The following TMEM232 variants were observed in gnomAD, a reference collection of about 807,000 sequenced individuals.
The protein encoded by TMEM232 is transmembrane protein 232.
TMEM232 carries 80 observed loss-of-function variants against 78.8 expected under a neutral mutation model. The ratio of observed to expected loss-of-function variants is 1.01; its 90% confidence interval spans 0.85 to 1.22. The LOEUF (loss-of-function observed/expected upper bound fraction) is 1.22. TMEM232 is among the 50% of genes most tolerant of loss of function. The pLI, the probability that TMEM232 is intolerant of heterozygous loss-of-function variation, is 0.00. For synonymous variants in TMEM232, 297 were observed against 254.3 expected, an observed-to-expected ratio of 1.17 and a Z score of -1.60; for missense variants, 881 against 742.2, an observed-to-expected ratio of 1.19 and a Z score of -2.17.
intron 1 of TMEM232, among the ~76,000 whole-genome samples, chr5:110,674,590 A>G (rs1374024177): frequency 6.6e-6 from 1 of 152,244 alleles, no homozygotes; most frequent in Non-Finnish European, 1.5e-5. Flanking sequence ...AAAATGTTTG[A>G]AAGTATTACA....
chr5:110,419,276 A>ACAAG (rs1756427464), downstream of TMEM232, among the ~76,000 whole-genome samples: 1 of 152,078 alleles, frequency 6.6e-6, no homozygotes, highest in South Asian at 2.1e-4. Flanking sequence ...ATTTGAGAAC[A>ACAAG]CAAGCATAAG....
In TMEM232 at chr5:110,671,314, G is replaced by A. The variant is rs528147357; in HGVS notation, c.-12-3950C>T. 3.0e-3 allele frequency among the ~76,000 whole-genome samples: 459 copies of A among 152,220 alleles called. 3 individuals are homozygous for A. Among genetic ancestry groups the A allele is most frequent in the African/African-American group, 0.01 (435 of 41,554 alleles). On this transcript the variant is annotated intron_variant, in intron 1 of 13. Transcript: ENST00000455884. ...ACCCGTTGGTGGGAGTGTAAATTAGGTCAACCATTGTGGAAGACAGTGTGG... is the reference window on the plus strand; with the variant it reads ...ACCCGTTGGTGGGAGTGTAAATTAGATCAACCATTGTGGAAGACAGTGTGG...
At chr5:110,486,935 C>G (rs555316821) in intron 12 of TMEM232, among the ~76,000 whole-genome samples, 1 of 151,970 alleles carries the variant, frequency 6.6e-6, no homozygotes, top group East Asian at 1.9e-4. Context: ...ATGATTCTAC[C>G]CATTAATGAG....
intron 11 of TMEM232, among the ~76,000 whole-genome samples, chr5:110,549,709 C>T (rs2149608590): frequency 6.6e-6 from 1 of 151,146 alleles, no homozygotes; most frequent in Middle Eastern, 3.5e-3. Context: ...TAGGAATTAG[C>T]CAGTGGATAT....
intron 12 of TMEM232, among the ~76,000 whole-genome samples, chr5:110,467,914 C>T: frequency 6.6e-6 from 1 of 152,006 alleles, no homozygotes; most frequent in Admixed American, 6.5e-5. Flanking sequence ...CTTCTATACT[C>T]TTTGGCTTTG....
intron 12 of TMEM232, among the ~76,000 whole-genome samples, chr5:110,516,258 T>A (rs964045313): frequency 2.5e-4 from 38 of 151,584 alleles, no homozygotes; most frequent in African/African-American, 6.8e-4. Flanking sequence ...AAAAAAAAAA[T>A]TTTTTTTGAA....
At chr5:110,647,011 GGTATA>G (rs1787593273) in intron 2 of TMEM232, among the ~76,000 whole-genome samples, 1 of 150,744 alleles carries the variant, frequency 6.6e-6, no homozygotes, top group East Asian at 1.9e-4. Flanking sequence ...ATATTACTAT[GGTATA>G]CTGGAAGTAT....
intron 12 of TMEM232, among the ~76,000 whole-genome samples, chr5:110,432,403 G>A: frequency 6.6e-6 from 1 of 151,580 alleles, no homozygotes; most frequent in East Asian, 1.9e-4. Flanking sequence ...AAACGAAGGA[G>A]AATGAAGTTT....
In TMEM232 at chr5:110,568,600, G is replaced by A; in HGVS notation, c.1302C>T (p.Tyr434=). The A allele has an allele frequency of 6.5e-7, 1 of 1,548,012 alleles. No homozygotes were observed. Among genetic ancestry groups the A allele is most frequent in the South Asian group, 1.2e-5 (1 of 83,676 alleles). The change falls in exon 11 of 14, where the codon TAC becomes TAT. Residue 434 remains tyrosine, a synonymous_variant. Transcript: ENST00000455884. ...TCACCAGGTTATACACTAAGCCATA[G>A]TAACCAGTCCAGACTACTTGATCAC... is the stretch of plus-strand genomic sequence containing the variant. ...ENCDQVVWTG[Y]YGLVYNLVKI...
At chr5:110,737,109 CTTT>C (rs1464343001) in intron 1 of TMEM232, among the ~76,000 whole-genome samples, 1 of 149,872 alleles carries the variant, frequency 6.7e-6, no homozygotes, top group Non-Finnish European at 1.5e-5. Flanking sequence ...TTTATCTGTT[CTTT>C]GTCTCCCTAA....
At chr5:110,431,011 G>A (rs1757775622) in intron 12 of TMEM232, among the ~76,000 whole-genome samples, 1 of 151,686 alleles carries the variant, frequency 6.6e-6, no homozygotes, top group South Asian at 2.1e-4. Context: ...TCCCGGCAGA[G>A]AAATTTTGAT....
At chr5:110,562,340 T>C (rs1052439870) in intron 11 of TMEM232, among the ~76,000 whole-genome samples, 1 of 152,088 alleles carries the variant, frequency 6.6e-6, no homozygotes, top group African/African-American at 2.4e-5. Context: ...ACCTACAATG[T>C]TCTTTTCACA....
chr5:110,696,317 C>T (rs920011152), intron 1 of TMEM232, among the ~76,000 whole-genome samples: 1 of 152,080 alleles, frequency 6.6e-6, no homozygotes, highest in African/African-American at 2.4e-5. Context: ...ATAATAAGAG[C>T]TATCTATGAC....
At chr5:110,708,449 T>C (rs1796155499) in intron 1 of TMEM232, among the ~76,000 whole-genome samples, 4 of 152,116 alleles carry the variant, frequency 2.6e-5, no homozygotes, top group Admixed American at 2.6e-4. Flanking sequence ...CAGAATATTA[T>C]AGCATTGTAA....
chr5:110,438,254 G>C (rs948770360), intron 12 of TMEM232, among the ~76,000 whole-genome samples: 1 of 151,412 alleles, frequency 6.6e-6, no homozygotes. Flanking sequence ...TATACCAACT[G>C]GGTTTGACAC....
intron 1 of TMEM232, among the ~76,000 whole-genome samples, chr5:110,683,619 C>T (rs1793029966): frequency 6.6e-6 from 1 of 151,764 alleles, no homozygotes; most frequent in South Asian, 2.1e-4. Context: ...AGAATATCTT[C>T]CTAAGGCTTT....
chr5:110,601,471 A>C (rs1406508873), intron 10 of TMEM232, among the ~76,000 whole-genome samples: 3 of 152,188 alleles, frequency 2.0e-5, no homozygotes, highest in Non-Finnish European at 4.4e-5. Flanking sequence ...ATATAAAATT[A>C]ATTTGCAAAA....
At chr5:110,704,475 T>A (rs2150287697) in intron 1 of TMEM232, among the ~76,000 whole-genome samples, 1 of 152,218 alleles carries the variant, frequency 6.6e-6, no homozygotes, top group South Asian at 2.1e-4. Context: ...CTGGACCAGG[T>A]CTGTACTCAT....
At chr5:110,532,070 G>A (rs962172866) in intron 11 of TMEM232, among the ~76,000 whole-genome samples, 6 of 152,028 alleles carry the variant, frequency 3.9e-5, no homozygotes, top group African/African-American at 1.5e-4. Flanking sequence ...GAACTGCAGC[G>A]GCCAGGCATT....
Sources: gnomAD v4.1 joint callset for allele counts (sites outside exome capture counted in the v4.1 genomes callset) on GRCh38, gnomAD v4.1.1 for gene constraint, MANE v1.5 for transcripts, NCBI Gene and HGNC (gene_info 2026-07-23, HGNC 2026-07-21) for gene names.